Variants in NOL10 observed in about 807,000 individuals in gnomAD.
NOL10 encodes the protein nucleolar protein 10.
NOL10 carries 58 observed loss-of-function variants against 103.5 expected under a neutral mutation model. That is an observed-to-expected ratio of 0.56 (90% CI 0.45 to 0.70). The LOEUF (loss-of-function observed/expected upper bound fraction) is 0.70, where lower values mean the gene tolerates loss of function less well. NOL10 is among the 30% of genes least tolerant of loss of function. The pLI is 0.00. For missense variants in NOL10, 763 were observed against 807.3 expected, an observed-to-expected ratio of 0.95 and a Z score of 0.67; for synonymous variants, 287 against 282.5, an observed-to-expected ratio of 1.02 and a Z score of -0.16.
intron 8 of NOL10, 21 bp downstream of exon 8, chr2:10,667,197 A>G: frequency 1.3e-6 from 2 of 1,534,430 alleles, no homozygotes; most frequent in Non-Finnish European, 1.8e-6. Context: ...ATTCTAAAAA[A>G]TAAAGTCAAC....
At chr2:10,578,106 A>T (rs1354488422) in intron 19 of NOL10, among the ~76,000 whole-genome samples, 1 of 152,224 alleles carries the variant, frequency 6.6e-6, no homozygotes, top group Admixed American at 6.5e-5. Context: ...AATGGCATTT[A>T]TGATATAATG....
intron 12 of NOL10, among the ~76,000 whole-genome samples, chr2:10,645,942 C>T (rs1572366141): frequency 7.9e-6 from 1 of 126,948 alleles, no homozygotes; most frequent in African/African-American, 3.7e-5. Context: ...CACACACACA[C>T]ATACACACAC....
At position 10,589,297 on chromosome 2, in the gene NOL10, A is replaced by G; in HGVS notation, c.1597-7T>C. Reference sequence around the variant, plus strand: ...CCGGCTCTTCCTCCTCTTCCTGAGAATAAAAATAGTAAGCAGCAACTCCTT... The same window carrying G: ...CCGGCTCTTCCTCCTCTTCCTGAGAGTAAAAATAGTAAGCAGCAACTCCTT... On this transcript the variant is annotated splice_region_variant and splice_polypyrimidine_tract_variant and intron_variant, in intron 18 of 20. Coordinates refer to ENST00000381685, the MANE Select transcript of NOL10 (RefSeq NM_024894.4). 5 of 1,612,728 alleles carry G rather than the reference A, an allele frequency of 3.1e-6. No individual in the cohort carries two copies. In the East Asian group the frequency reaches 1.1e-4, roughly 36 times the overall value.
intron 18 of NOL10, 79 bp downstream of exon 18, chr2:10,589,499 C>A: frequency 7.9e-7 from 1 of 1,271,174 alleles, no homozygotes; most frequent in Non-Finnish European, 1.1e-6. Context: ...CAAGTATAAT[C>A]AAAGACTCTT....
chr2:10,644,243 C>G (rs562815344), intron 13 of NOL10, 77 bp downstream of exon 13: 122 of 1,136,526 alleles, frequency 1.1e-4, no homozygotes, highest in Non-Finnish European at 8.6e-5. Context: ...CAGACTCCGT[C>G]TCAAAAAATT....
chr2:10,683,957 T>C (rs1194773918), intron 2 of NOL10, among the ~76,000 whole-genome samples: 1 of 152,024 alleles, frequency 6.6e-6, no homozygotes, highest in East Asian at 1.9e-4. Context: ...ACCAGGAACA[T>C]ACCAACCACA....
intron 7 of NOL10, 44 bp downstream of exon 7, chr2:10,668,614 C>A: frequency 1.9e-6 from 2 of 1,058,160 alleles, no homozygotes; most frequent in East Asian, 2.6e-5. Flanking sequence ...CTGGCTCCAC[C>A]TCCTGGTCAA....
intron 8 of NOL10, among the ~76,000 whole-genome samples, chr2:10,664,937 G>C (rs1680480240): frequency 6.6e-6 from 1 of 152,214 alleles, no homozygotes; most frequent in African/African-American, 2.4e-5. Flanking sequence ...GAATAGGACA[G>C]GGTGGAAGGG....
intron 2 of NOL10, among the ~76,000 whole-genome samples, chr2:10,682,682 G>A (rs1681863714): frequency 6.6e-6 from 1 of 151,986 alleles, no homozygotes; most frequent in African/African-American, 2.4e-5. Context: ...TTGCAGGAGT[G>A]AGCCACCGCA....
At chr2:10,647,688 T>C (rs1029665125) in intron 12 of NOL10, among the ~76,000 whole-genome samples, 4 of 152,170 alleles carry the variant, frequency 2.6e-5, no homozygotes, top group Admixed American at 2.6e-4. Flanking sequence ...CTGCCCTATT[T>C]AGAACCTCAG....
At chr2:10,662,694 A>G (rs1288198423) in intron 9 of NOL10, among the ~76,000 whole-genome samples, 2 of 152,226 alleles carry the variant, frequency 1.3e-5, no homozygotes, top group Non-Finnish European at 2.9e-5. Context: ...ATTCTACAAA[A>G]TTGGAATACA....
intron 9 of NOL10, among the ~76,000 whole-genome samples, chr2:10,660,836 C>T (rs942825424): frequency 6.6e-6 from 1 of 151,772 alleles, no homozygotes; most frequent in Non-Finnish European, 1.5e-5. Context: ...AGCCTGCTTC[C>T]CCTATTCAAC....
At chr2:10,605,436 GA>G (rs1251217362) in intron 14 of NOL10, among the ~76,000 whole-genome samples, 1 of 152,094 alleles carries the variant, frequency 6.6e-6, no homozygotes, top group Admixed American at 6.5e-5. Flanking sequence ...ATATTATGGG[GA>G]AATGATAAAA....
chr2:10,622,488 C>CAAAAAAAAA (rs77285222), intron 13 of NOL10, among the ~76,000 whole-genome samples: 4 of 124,822 alleles, frequency 3.2e-5, no homozygotes, highest in Admixed American at 1.7e-4. Flanking sequence ...GAGCGTTTTT[C>CAAAAAAAAA]AAAAAAAAAG....
chr2:10,622,091 T>C (rs1677180187), intron 13 of NOL10: 1 of 471,198 alleles, frequency 2.1e-6, no homozygotes, highest in African/African-American at 2.0e-5. Context: ...GTGTCCGTCA[T>C]CACAGAAACG....
chr2:10,589,064 G>A lies in NOL10; in HGVS notation c.1823C>T (p.Ala608Val), dbSNP rs1675263549. 7 of 1,613,774 alleles carry A rather than the reference G, an allele frequency of 4.3e-6. No homozygotes were observed. Among genetic ancestry groups the A allele is most frequent in the Non-Finnish European group, 5.9e-6 (7 of 1,179,890 alleles). Residue 608 changes from alanine (A) to valine (V), a missense_variant, in exon 19 of 21, where the codon GCC (alanine) becomes GTC (valine). Transcript: ENST00000381685. ...TCACTTCATCAGTTTCTGCTTTGTG[G>A]CAGAATCTTTGAAGCTTCTAAATTC... ...GEEFRSFKDS[A>V]TKQKLMNKTL...
At chr2:10,638,944 A>C (rs1052745832) in intron 13 of NOL10, among the ~76,000 whole-genome samples, 1 of 151,576 alleles carries the variant, frequency 6.6e-6, no homozygotes. Context: ...TTGGGACTAC[A>C]GGCACACACC....
chr2:10,600,381 G>GT (rs1171476942), intron 17 of NOL10, among the ~76,000 whole-genome samples: 1 of 152,178 alleles, frequency 6.6e-6, no homozygotes, highest in Non-Finnish European at 1.5e-5. Flanking sequence ...ATAAAAATCA[G>GT]TTACTTCTGG....
At chr2:10,670,348 T>C (rs561419490) in intron 6 of NOL10, among the ~76,000 whole-genome samples, 75 of 152,340 alleles carry the variant, frequency 4.9e-4, no homozygotes, top group African/African-American at 1.8e-3. Context: ...GAAATTGTAC[T>C]GAATTTTTGC....
Sources: gnomAD v4.1 joint callset for allele counts (sites outside exome capture counted in the v4.1 genomes callset) on GRCh38, gnomAD v4.1.1 for gene constraint, MANE v1.5 for transcripts, NCBI Gene and HGNC (gene_info 2026-07-23, HGNC 2026-07-21) for gene names.